SPAG16: variants seen among roughly 807,000 people sequenced by gnomAD.
The protein encoded by SPAG16 is sperm-associated antigen 16 protein.
Under a neutral mutation model 80.4 loss-of-function variants are expected in SPAG16, and 86 were observed. The ratio of observed to expected loss-of-function variants is 1.07; its 90% CI spans 0.90 to 1.28. The LOEUF (loss-of-function observed/expected upper bound fraction) is 1.28. SPAG16 is among the 50% of genes most tolerant of loss of function. The pLI, the probability that SPAG16 is intolerant of heterozygous loss-of-function variation, is 0.00. For synonymous variants in SPAG16, 294 were observed against 265.9 expected (o/e 1.11, Z -1.03); for missense variants, 870 against 765.3 (o/e 1.14, Z -1.61).
intron 15 of SPAG16, among the ~76,000 whole-genome samples, chr2:214,194,086 A>T (rs935185794): frequency 6.6e-6 from 1 of 152,128 alleles, no homozygotes; most frequent in Non-Finnish European, 1.5e-5. Context: ...CAAGCAAGAC[A>T]TTATTTAAGA....
intron 10 of SPAG16, among the ~76,000 whole-genome samples, chr2:213,663,371 TA>T (rs1574702142): frequency 6.6e-6 from 1 of 152,046 alleles, no homozygotes; most frequent in Non-Finnish European, 1.5e-5. Flanking sequence ...TATATGCATT[TA>T]AAAAAATAAA....
intron 10 of SPAG16, among the ~76,000 whole-genome samples, chr2:213,628,613 A>G (rs539460627): frequency 5.0e-4 from 76 of 152,342 alleles, no homozygotes; most frequent in African/African-American, 1.7e-3. Context: ...TTGGATTCGC[A>G]CAACTTGTGT....
intron 10 of SPAG16, among the ~76,000 whole-genome samples, chr2:213,834,083 G>T (rs1301239281): frequency 6.6e-6 from 1 of 152,066 alleles, no homozygotes; most frequent in African/African-American, 2.4e-5. Flanking sequence ...TCTATCAGGG[G>T]TTTCTGCTTT....
intron 10 of SPAG16, among the ~76,000 whole-genome samples, chr2:213,524,927 G>T (rs1370239842): frequency 6.6e-6 from 1 of 152,058 alleles, no homozygotes. Context: ...TTGAAATGTG[G>T]GACCTGTGAT....
intron 15 of SPAG16, among the ~76,000 whole-genome samples, chr2:214,382,217 A>G (rs1049897483): frequency 6.6e-6 from 1 of 152,246 alleles, no homozygotes; most frequent in Non-Finnish European, 1.5e-5. Flanking sequence ...AAATCTGATT[A>G]ATGAGAAATG....
intron 11 of SPAG16, among the ~76,000 whole-genome samples, chr2:213,928,495 C>T (rs1000470555): frequency 1.3e-5 from 2 of 152,124 alleles, no homozygotes; most frequent in Non-Finnish European, 2.9e-5. Flanking sequence ...GCTGTTTCTA[C>T]GCTGCAGATA....
intron 15 of SPAG16, among the ~76,000 whole-genome samples, chr2:214,322,922 A>G (rs937257911): frequency 2.6e-5 from 4 of 152,206 alleles, no homozygotes; most frequent in Non-Finnish European, 2.9e-5. Flanking sequence ...AAACTCAAAC[A>G]CAGAGGATCC....
chr2:213,550,931 GT>G (rs375015899), intron 10 of SPAG16, among the ~76,000 whole-genome samples: 2,721 of 151,572 alleles, frequency 0.018, 39 homozygotes, highest in Middle Eastern at 0.044. Context: ...TTAAATCAAA[GT>G]TTTTTTTACT....
intron 14 of SPAG16, among the ~76,000 whole-genome samples, chr2:214,114,495 G>T (rs2053832745): frequency 6.6e-6 from 1 of 152,152 alleles, no homozygotes. Context: ...ACCTACTCAA[G>T]CCTCAGCAAT....
chr2:213,562,777 C>G (rs1463889874), intron 10 of SPAG16, among the ~76,000 whole-genome samples: 1 of 151,284 alleles, frequency 6.6e-6, no homozygotes, highest in Admixed American at 6.6e-5. Context: ...GCTATTTTCT[C>G]TCTGTACTCA....
chr2:213,862,399 G>A (rs1427110372), intron 10 of SPAG16, 86 bp from the exon 11 acceptor site: 2 of 1,527,818 alleles, frequency 1.3e-6, no homozygotes, highest in East Asian at 4.6e-5. Context: ...GCTAAAATCG[G>A]ATAATCACTG....
intron 10 of SPAG16, among the ~76,000 whole-genome samples, chr2:213,526,014 T>G (rs2075874082): frequency 6.6e-6 from 1 of 152,196 alleles, no homozygotes; most frequent in Non-Finnish European, 1.5e-5. Context: ...TTTTACCTAT[T>G]TGTCTGTTAC....
intron 9 of SPAG16, among the ~76,000 whole-genome samples, chr2:213,410,655 A>C (rs1440674801): frequency 1.3e-5 from 2 of 152,260 alleles, no homozygotes; most frequent in East Asian, 3.8e-4. Flanking sequence ...CAATTAAGAC[A>C]GGATACCAAG....
At chr2:213,786,835 T>G (rs2070371775) in intron 10 of SPAG16, among the ~76,000 whole-genome samples, 1 of 152,148 alleles carries the variant, frequency 6.6e-6, no homozygotes, top group Non-Finnish European at 1.5e-5. Flanking sequence ...AATTTAATAG[T>G]GTATAAAAAC....
chr2:213,860,293 G>T (rs1427351), intron 10 of SPAG16, among the ~76,000 whole-genome samples: 50,966 of 149,098 alleles, frequency 0.34, 9,228 homozygotes, highest in South Asian at 0.47. Context: ...AAAGAACATT[G>T]TATGCCTTGC....
chr2:213,367,136 C>T (rs1575387028), intron 8 of SPAG16, among the ~76,000 whole-genome samples: 2 of 152,282 alleles, frequency 1.3e-5, no homozygotes, highest in East Asian at 3.9e-4. Flanking sequence ...TTTATGGTTG[C>T]ATAGTATTCC....
chr2:214,191,342 A>C (rs1330466224), intron 15 of SPAG16, among the ~76,000 whole-genome samples: 1 of 152,076 alleles, frequency 6.6e-6, no homozygotes, highest in Non-Finnish European at 1.5e-5. Context: ...TATACCAACT[A>C]ATGTTATACC....
chr2:213,513,828 G>A (rs538394220), intron 10 of SPAG16, among the ~76,000 whole-genome samples: 59 of 152,178 alleles, frequency 3.9e-4, no homozygotes, highest in African/African-American at 1.3e-3. Context: ...TTATGAGTTG[G>A]CTGCTTCCTG....
At chr2:214,254,981 T>C (rs1299206899) in intron 15 of SPAG16, among the ~76,000 whole-genome samples, 1 of 152,068 alleles carries the variant, frequency 6.6e-6, no homozygotes, top group African/African-American at 2.4e-5. Context: ...TTTTGACACT[T>C]GATAGCCTGA....
Sources: gnomAD v4.1 joint callset for allele counts (sites outside exome capture counted in the v4.1 genomes callset) on GRCh38, gnomAD v4.1.1 for gene constraint, MANE v1.5 for transcripts, NCBI Gene and HGNC (gene_info 2026-07-23, HGNC 2026-07-21) for gene names.